The following SYNE1 variants were observed in gnomAD, a reference collection of about 807,000 sequenced individuals.
SYNE1 encodes the protein spectrin repeat containing nuclear envelope protein 1, also known as nesprin-1.
Under a neutral mutation model 1,111.0 loss-of-function variants are expected in SYNE1, and 616 were observed. That is an observed-to-expected ratio of 0.55 (90% CI 0.52 to 0.59). SYNE1 has a LOEUF of 0.59. Among genes scored for constraint, SYNE1 ranks in the 20% least tolerant of loss-of-function variants. The probability of loss-of-function intolerance (pLI) is 0.00; values close to 1 mark genes in which losing one functional copy is unlikely to be tolerated. For missense variants in SYNE1, 10,006 were observed against 10,417.0 expected (o/e 0.96, Z 1.72); for synonymous variants, 3,855 against 3,825.8 (o/e 1.01, Z -0.28).
chr6:152,180,259 C>T lies in SYNE1; in HGVS notation c.23337G>A (p.Leu7779=), dbSNP rs1424586969. Residue 7779 remains leucine, a synonymous_variant, in exon 129 of 146, where the codon TTG becomes TTA. Coordinates refer to ENST00000367255, the MANE Select transcript of SYNE1 (RefSeq NM_182961.4). ...SLRRQQIGER[L]NEWAVFSEKN... is the part of the protein sequence containing the mutation. ...TTTCACTGAAGACTGCCCATTCATT[C>T]AATCTTTCACCTATTTGCTGCCGCC... 1.7e-5 allele frequency: 28 copies of T among 1,614,096 alleles called. No homozygotes were observed. The highest frequency in any genetic ancestry group is 2.4e-5 in the Non-Finnish European group (28 of 1,180,000).
At chr6:152,402,021 A>T (rs1320935143) in intron 46 of SYNE1, among the ~76,000 whole-genome samples, 3 of 152,232 alleles carry the variant, frequency 2.0e-5, no homozygotes, top group Non-Finnish European at 4.4e-5. Context: ...GGAGCAGGAG[A>T]CCAACAGTGT....
At position 152,369,512 on chromosome 6, in the gene SYNE1, A is replaced by G; in HGVS notation, c.9610T>C (p.Tyr3204His). ...TCCCTCCTCTTTGCTGGCAGATCAT[A>G]GAGGCGATTGCTGCTTTCATGGACC... Reference protein sequence around the residue: ...KMVHESSNRLYDLPAKRREQQ... With the variant: ...KMVHESSNRLHDLPAKRREQQ... The change falls in exon 60 of 146, where the codon TAT becomes CAT. Residue 3204 changes from tyrosine (Y) to histidine (H), a missense_variant. Coordinates refer to ENST00000367255, the MANE Select transcript of SYNE1 (RefSeq NM_182961.4). 2 of 1,614,190 alleles carry G rather than the reference A, an allele frequency of 1.2e-6. No individual in the cohort carries two copies. Among genetic ancestry groups the G allele is most frequent in the South Asian group, 2.2e-5 (2 of 91,088 alleles).
chr6:152,577,564 C>A (rs1056686685), intron 3 of SYNE1, among the ~76,000 whole-genome samples: 3 of 151,956 alleles, frequency 2.0e-5, no homozygotes, highest in Non-Finnish European at 4.4e-5. Context: ...CCCCGGGAGG[C>A]GGAGCTTGCA....
chr6:152,543,113 T>A lies in SYNE1; in HGVS notation c.68-3092A>T, dbSNP rs192882612. ...AACCTTTAATGAAATAAAAATAGTA[T>A]TGTAACAATTTCATCTGATGGTAAA... is the stretch of plus-strand genomic sequence containing the variant. On this transcript the variant is annotated intron_variant, in intron 3 of 145. Coordinates refer to ENST00000367255, the MANE Select transcript of SYNE1 (RefSeq NM_182961.4). Among the ~76,000 whole-genome samples the A allele has an allele frequency of 5.3e-5, 8 of 152,268 alleles. No individual in the cohort carries two copies. In the East Asian group the frequency reaches 1.5e-3, roughly 29 times the overall value.
At position 152,535,303 on chromosome 6, in the gene SYNE1, C is replaced by A. The variant is rs115474231; in HGVS notation, c.129+4657G>T. On this transcript the variant is annotated intron_variant, in intron 4 of 145. Coordinates refer to ENST00000367255, the MANE Select transcript of SYNE1 (RefSeq NM_182961.4). Reference sequence around the variant, plus strand: ...TGGTACTTTGTTACGGCAATCCCAGCAATTAATAGGGAACCTAAATAATGT... The same window carrying A: ...TGGTACTTTGTTACGGCAATCCCAGAAATTAATAGGGAACCTAAATAATGT... Among the ~76,000 whole-genome samples the A allele has an allele frequency of 7.8e-3, 1,182 of 152,310 alleles. 21 individuals carry two copies. Among genetic ancestry groups the A allele is most frequent in the African/African-American group, 0.027 (1,128 of 41,566 alleles).
In SYNE1 at chr6:152,350,740, G is replaced by C. The variant is rs538184980; in HGVS notation, c.11611C>G (p.Pro3871Ala). The C allele has an allele frequency of 6.2e-7, 1 of 1,613,632 alleles. No individual in the cohort carries two copies. The highest frequency in any genetic ancestry group is 1.1e-5 in the South Asian group (1 of 91,044). The change falls in exon 71 of 146, where the codon CCA becomes GCA. Residue 3871 changes from proline to alanine, a missense_variant. By Grantham distance (27) the Pro-to-Ala change is conservative (BLOSUM62 -1). Around this residue, in one of 7 missense-constraint regions of SYNE1, gnomAD observed 4,955 missense variants for 5,017.2 expected, o/e 0.99. Coordinates refer to ENST00000367255, the MANE Select transcript of SYNE1 (RefSeq NM_182961.4). ...TTCTCTCTCACTGACTTTACTGATG[G>C]TTCATGGGACAGCACCGTTTGTTGA... ...SLQQTVLSHE[P>A]SVKSVREKGE...
Position 152,369,745 on chromosome 6 carries a change from G to C in SYNE1, c.9508-131C>G, listed in dbSNP as rs193190544. On this transcript the variant is annotated intron_variant, in intron 59 of 145. Coordinates refer to ENST00000367255, the MANE Select transcript of SYNE1 (RefSeq NM_182961.4). ...CGCCTGTAATCCCAGCACTTTGGGT[G>C]GCCGAGGTGAGCAGATAGCTTGAGC... is the stretch of plus-strand genomic sequence containing the variant. 4.7e-5 allele frequency: 52 copies of C among 1,096,836 alleles called. No homozygotes were observed. In the East Asian group the frequency reaches 1.1e-3, roughly 23 times the overall value. 67.9% of individuals were successfully genotyped at this position (1,096,836 alleles called of 1,614,324 possible).
intron 145 of SYNE1, among the ~76,000 whole-genome samples, chr6:152,123,790 G>A (rs1023590515): frequency 2.6e-5 from 4 of 152,212 alleles, no homozygotes; most frequent in Admixed American, 2.6e-4. Context: ...GACATTGTAT[G>A]TGAGGCTACT....
chr6:152,468,743 T>C (rs193259977), intron 16 of SYNE1, among the ~76,000 whole-genome samples: 83 of 152,308 alleles, frequency 5.4e-4, no homozygotes, highest in African/African-American at 1.9e-3. Context: ...TATTAGATGA[T>C]GTAGAAGCAT....
chr6:152,408,387 C>CA (rs1301469554), intron 44 of SYNE1, among the ~76,000 whole-genome samples: 1 of 152,076 alleles, frequency 6.6e-6, no homozygotes, highest in African/African-American at 2.4e-5. Flanking sequence ...TTTTCCAATG[C>CA]AAAATTATAG....
chr6:152,532,136 C>A (rs930100607), intron 4 of SYNE1, among the ~76,000 whole-genome samples: 2 of 152,180 alleles, frequency 1.3e-5, no homozygotes, highest in African/African-American at 4.8e-5. Flanking sequence ...TGAAACATTA[C>A]TAGCATATCA....
intron 34 of SYNE1, among the ~76,000 whole-genome samples, 191 bp from the exon 35 acceptor site, chr6:152,430,900 G>A (rs2098422633): frequency 6.6e-6 from 1 of 152,198 alleles, no homozygotes; most frequent in African/African-American, 2.4e-5. Flanking sequence ...GCAAAATACA[G>A]TGATGGGTTG....
rs762944070 is a variant in SYNE1 at position 152,218,381 on chromosome 6, G to T, written c.22067C>A (p.Thr7356Asn). The T allele has an allele frequency of 5.0e-6, 8 of 1,613,184 alleles. No homozygotes were observed. The South Asian group carries it at 8.8e-5, about 18-fold the overall frequency. ...SLQAGVLDYE[T>N]FAKSLEALEA... is the part of the protein sequence containing the mutation. ...CAAAGCTTCTAAACTCTTGGCAAAG[G>T]TTTCATAATCAAGAACTCCAGCCTT... Residue 7356 changes from threonine (T) to asparagine (N), a missense_variant, in exon 121 of 146, where the codon ACC (threonine) becomes AAC (asparagine). Thr to Asn is a moderately conservative substitution (Grantham distance 65). Around this residue, in one of 7 missense-constraint regions of SYNE1, gnomAD observed 2,182 missense variants for 2,287.8 expected, o/e 0.95. Transcript: ENST00000367255.
intron 3 of SYNE1, among the ~76,000 whole-genome samples, chr6:152,556,606 C>A (rs1329437937): frequency 1.3e-5 from 2 of 152,176 alleles, no homozygotes; most frequent in Non-Finnish European, 2.9e-5. Context: ...AGTCTCCAGG[C>A]CCACCACAAT....
intron 3 of SYNE1, among the ~76,000 whole-genome samples, chr6:152,543,525 C>T (rs1420526457): frequency 6.6e-6 from 1 of 152,186 alleles, no homozygotes; most frequent in Admixed American, 6.5e-5. Flanking sequence ...GAATGTCTAT[C>T]AACTTGTGTT....
intron 137 of SYNE1, chr6:152,147,174 T>A (rs925393293): frequency 1.2e-4 from 18 of 152,292 alleles, no homozygotes; most frequent in African/African-American, 4.3e-4. Context: ...GACTGAGAGT[T>A]CTGGAGGAGT....
intron 3 of SYNE1, among the ~76,000 whole-genome samples, chr6:152,615,080 C>T (rs1009590069): frequency 1.3e-5 from 2 of 152,016 alleles, no homozygotes; most frequent in Admixed American, 6.6e-5. Context: ...TGTATACCTA[C>T]GTATAAACCT....
intron 145 of SYNE1, chr6:152,125,364 G>T (rs1292472658): frequency 6.5e-7 from 1 of 1,549,306 alleles, no homozygotes; most frequent in South Asian, 1.2e-5. Flanking sequence ...CTGGTCATAA[G>T]GCCTCACAGT....
intron 50 of SYNE1, 60 bp from the exon 51 acceptor site, chr6:152,395,731 T>A: frequency 6.3e-7 from 1 of 1,575,762 alleles, no homozygotes; most frequent in Non-Finnish European, 8.7e-7. Context: ...AAATTACTTT[T>A]AATAGCTGAG....
Sources: allele counts gnomAD v4.1 joint callset (sites outside exome capture counted in the v4.1 genomes callset), GRCh38; gene constraint gnomAD v4.1.1; regional missense constraint gnomAD v4.1.1; transcripts MANE v1.5; gene names NCBI Gene and HGNC (gene_info 2026-07-23, HGNC 2026-07-21).